Variants in STRBP observed in about 807,000 individuals in gnomAD.
STRBP encodes spermatid perinuclear RNA binding protein, also known as spermatid perinuclear RNA-binding protein.
In STRBP, 13 loss-of-function variants were observed where a neutral mutation model predicts 80.1. The observed-to-expected ratio is 0.16, with a 90% CI of 0.11 to 0.26. STRBP has a LOEUF of 0.26. Among genes scored for constraint, STRBP ranks in the 10% least tolerant of loss-of-function variants. STRBP has a pLI of 1.00. For missense variants in STRBP, 485 were observed against 815.2 expected (o/e 0.59, Z 4.93); for synonymous variants, 284 against 291.2 (o/e 0.98, Z 0.25).
At chr9:123,149,999 A>G (rs1169100871) in intron 11 of STRBP, among the ~76,000 whole-genome samples, 1 of 152,240 alleles carries the variant, frequency 6.6e-6, no homozygotes, top group Non-Finnish European at 1.5e-5. Context: ...ATGAAGGACA[A>G]TTTATATGTC....
At chr9:123,209,727 T>C (rs917944945) in intron 2 of STRBP, among the ~76,000 whole-genome samples, 1 of 152,198 alleles carries the variant, frequency 6.6e-6, no homozygotes, top group Non-Finnish European at 1.5e-5. Flanking sequence ...ATACAGGTAT[T>C]TACCATACAA....
At chr9:123,255,693 T>G (rs1022334826) in intron 1 of STRBP, among the ~76,000 whole-genome samples, 2 of 152,234 alleles carry the variant, frequency 1.3e-5, no homozygotes, top group African/African-American at 2.4e-5. Flanking sequence ...ATCCAGCAAC[T>G]GAGTCTTACT....
chr9:123,267,734 C>T (rs1402028294), intron 1 of STRBP, among the ~76,000 whole-genome samples: 1 of 151,298 alleles, frequency 6.6e-6, no homozygotes, highest in Non-Finnish European at 1.5e-5. Flanking sequence ...TCCTAATACC[C>T]GCCCCACTCC....
At chr9:123,120,482 CG>C (rs1370844340), downstream of STRBP, among the ~76,000 whole-genome samples, 2 of 5,424 alleles carry the variant, frequency 3.7e-4, no homozygotes, top group East Asian at 1.5e-3. Context: ...TAATTGCGGG[CG>C]GGGGGGTGGG....
At chr9:123,222,258 A>G (rs1444706119) in intron 2 of STRBP, among the ~76,000 whole-genome samples, 2 of 151,768 alleles carry the variant, frequency 1.3e-5, no homozygotes, top group East Asian at 1.9e-4. Flanking sequence ...TAGCCTTTAC[A>G]AGTGAGTTCC....
Position 123,255,897 on chromosome 9 carries a change from A to G in STRBP, c.-302+12539T>C, listed in dbSNP as rs185552112. 1.2e-4 allele frequency among the ~76,000 whole-genome samples: 19 copies of G among 152,056 alleles called. No individual in the cohort carries two copies. The East Asian group carries it at 3.3e-3, about 26-fold the overall frequency. Reference sequence around the variant, plus strand: ...CACTTCTCTTGGGCTCCCTGCTTATACTGAGGGAACCCCAGGCTGCCAATC... The same window carrying G: ...CACTTCTCTTGGGCTCCCTGCTTATGCTGAGGGAACCCCAGGCTGCCAATC... On this transcript the variant is annotated intron_variant, in intron 1 of 18. Coordinates refer to ENST00000348403, the MANE Select transcript of STRBP (RefSeq NM_018387.5).
chr9:123,257,500 A>G (rs554951960), intron 1 of STRBP, among the ~76,000 whole-genome samples: 1 of 152,294 alleles, frequency 6.6e-6, no homozygotes, highest in East Asian at 1.9e-4. Context: ...TCATAAAAGT[A>G]TAAAAGTCAG....
chr9:123,254,120 C>G (rs916728812), intron 1 of STRBP, among the ~76,000 whole-genome samples: 22 of 152,134 alleles, frequency 1.4e-4, no homozygotes, highest in Non-Finnish European at 5.9e-5. Context: ...AATGACCAAC[C>G]AACTAAGCTG....
At chr9:123,178,407 T>C (rs1383070320) in intron 4 of STRBP, among the ~76,000 whole-genome samples, 1 of 152,172 alleles carries the variant, frequency 6.6e-6, no homozygotes, top group Admixed American at 6.6e-5. Flanking sequence ...CAGGTACCAT[T>C]TCAGTTTCAC....
intron 2 of STRBP, among the ~76,000 whole-genome samples, chr9:123,209,109 C>T (rs1334338270): frequency 2.0e-5 from 3 of 152,170 alleles, no homozygotes; most frequent in Non-Finnish European, 2.9e-5. Flanking sequence ...AATCTTCCCA[C>T]ATATATTCTG....
In STRBP at chr9:123,173,020, A is replaced by G. The variant is rs2038073849; in HGVS notation, c.390+657T>C. On this transcript the variant is annotated intron_variant, in intron 5 of 18. Coordinates refer to ENST00000348403, the MANE Select transcript of STRBP (RefSeq NM_018387.5). ...AACTGAAGATGATCACAGACTCCCA[A>G]TCAGTGATGCAATGAGTCCTTGGGG... 2.6e-5 allele frequency among the ~76,000 whole-genome samples: 4 copies of G among 152,158 alleles called. No homozygotes were observed. The South Asian group carries it at 8.3e-4, about 32-fold the overall frequency.
In STRBP at chr9:123,262,116, C is replaced by T. The variant is rs541479350; in HGVS notation, c.-302+6320G>A. Among the ~76,000 whole-genome samples the T allele has an allele frequency of 4.9e-4, 74 of 152,216 alleles. No homozygotes were observed. The South Asian group carries it at 0.014, about 29-fold the overall frequency. On this transcript the variant is annotated intron_variant, in intron 1 of 18. Transcript: ENST00000348403. ...ACAAACTCCATTTTCATATTAAGGG[C>T]CAATATATCTAGAGAAGGATCTATT... is the stretch of plus-strand genomic sequence containing the variant.
intron 1 of STRBP, among the ~76,000 whole-genome samples, chr9:123,249,213 C>A (rs938646536): frequency 6.6e-6 from 1 of 152,110 alleles, no homozygotes; most frequent in Non-Finnish European, 1.5e-5. Flanking sequence ...TCTCCACACA[C>A]ACACAAATTT....
intron 5 of STRBP, 98 bp downstream of exon 5, chr9:123,173,579 A>G (rs1431939623): frequency 7.7e-7 from 1 of 1,307,020 alleles, no homozygotes; most frequent in Non-Finnish European, 1.0e-6. Context: ...TGTCTATCCT[A>G]TTAGCTATTA....
At chr9:123,250,616 C>T (rs2040893437) in intron 1 of STRBP, among the ~76,000 whole-genome samples, 1 of 152,140 alleles carries the variant, frequency 6.6e-6, no homozygotes, top group South Asian at 2.1e-4. Context: ...GGAAATGCAG[C>T]CATTTCTCAG....
At chr9:123,209,960 G>A (rs552200457) in intron 2 of STRBP, among the ~76,000 whole-genome samples, 1 of 152,244 alleles carries the variant, frequency 6.6e-6, no homozygotes, top group East Asian at 1.9e-4. Flanking sequence ...GAAAAGTCAT[G>A]GTAGCAGACC....
chr9:123,139,792 A>T (rs1235870305), intron 13 of STRBP, 105 bp from the exon 14 acceptor site: 3 of 1,151,898 alleles, frequency 2.6e-6, no homozygotes. Flanking sequence ...TTGAACCATA[A>T]AACACCTTGC....
At chr9:123,223,049 TGATA>T (rs33997248) in intron 2 of STRBP, among the ~76,000 whole-genome samples, 24,853 of 147,852 alleles carry the variant, frequency 0.17, 2,201 homozygotes, top group East Asian at 0.35. Context: ...GATAGATAGA[TGATA>T]GATAGATAGA....
chr9:123,241,179 CAAAAAAAAA>C (rs11303230), intron 1 of STRBP, among the ~76,000 whole-genome samples: 1 of 103,600 alleles, frequency 9.7e-6, no homozygotes, highest in Non-Finnish European at 2.3e-5. Flanking sequence ...AACTCCATCT[CAAAAAAAAA>C]AAAAAAACAA....
Sources: allele counts gnomAD v4.1 joint callset (sites outside exome capture counted in the v4.1 genomes callset), GRCh38; gene constraint gnomAD v4.1.1; transcripts MANE v1.5; gene names NCBI Gene and HGNC (gene_info 2026-07-23, HGNC 2026-07-21).